The following MYO6 variants were observed in gnomAD, a reference collection of about 807,000 sequenced individuals.
MYO6 encodes myosin VI.
MYO6 carries 74 observed loss-of-function variants against 178.7 expected under a neutral mutation model. The observed-to-expected ratio is 0.41, with a 90% CI of 0.34 to 0.50. MYO6 has a LOEUF of 0.50. Among genes scored for constraint, MYO6 ranks in the 20% least tolerant of loss-of-function variants. MYO6 has a pLI of 0.09. For synonymous variants in MYO6, 477 were observed against 504.6 expected, an observed-to-expected ratio of 0.95 and a Z score of 0.73; for missense variants, 1,330 against 1,547.4, an observed-to-expected ratio of 0.86 and a Z score of 2.36.
intron 20 of MYO6, among the ~76,000 whole-genome samples, chr6:75,876,874 G>A (rs1027396780): frequency 2.6e-5 from 4 of 152,014 alleles, no homozygotes; most frequent in Admixed American, 6.6e-5. Context: ...AAATATTTAC[G>A]AAGCTTTCTA....
chr6:75,805,257 G>T (rs929534506), intron 1 of MYO6, among the ~76,000 whole-genome samples: 1 of 151,272 alleles, frequency 6.6e-6, no homozygotes. Context: ...CTCCTGCCTC[G>T]GCCTCCCAAA....
intron 16 of MYO6, 37 bp downstream of exon 16, chr6:75,862,760 G>A: frequency 1.2e-6 from 2 of 1,607,912 alleles, no homozygotes; most frequent in Non-Finnish European, 1.7e-6. Flanking sequence ...ACTATGGTGG[G>A]ACGAGACATT....
At chr6:75,785,167 G>T (rs1179010934) in intron 1 of MYO6, among the ~76,000 whole-genome samples, 1 of 152,100 alleles carries the variant, frequency 6.6e-6, no homozygotes, top group Non-Finnish European at 1.5e-5. Flanking sequence ...ATTGCTGTCT[G>T]TTCTATTGCT....
At chr6:75,881,573 C>T in intron 22 of MYO6, 116 bp from the exon 23 acceptor site, 2 of 1,020,548 alleles carry the variant, frequency 2.0e-6, no homozygotes, top group Non-Finnish European at 3.0e-6. Context: ...ATGTAATTGA[C>T]ATGTGACCAT....
chr6:75,845,929 G>T (rs1379221526), intron 10 of MYO6, among the ~76,000 whole-genome samples: 1 of 151,108 alleles, frequency 6.6e-6, no homozygotes, highest in Middle Eastern at 3.2e-3. Flanking sequence ...AGAGGCTGTT[G>T]TAAGTGGAGA....
intron 3 of MYO6, among the ~76,000 whole-genome samples, chr6:75,827,821 A>G (rs926482219): frequency 2.2e-4 from 34 of 152,210 alleles, no homozygotes; most frequent in African/African-American, 8.2e-4. Flanking sequence ...TAAGGTTTAC[A>G]ATTTCAGTGA....
intron 1 of MYO6, among the ~76,000 whole-genome samples, chr6:75,779,341 A>G (rs1011036623): frequency 6.6e-6 from 1 of 152,100 alleles, no homozygotes; most frequent in African/African-American, 2.4e-5. Context: ...GTCTCCATTA[A>G]AAATGCAAAA....
intron 10 of MYO6, among the ~76,000 whole-genome samples, chr6:75,845,985 TC>T (rs1774697633): frequency 8.1e-6 from 1 of 123,636 alleles, no homozygotes; most frequent in Admixed American, 8.0e-5. Context: ...AGACTCTGTC[TC>T]AAAAAAAAAA....
At chr6:75,894,041 T>TCA (rs1779107496) in intron 28 of MYO6, among the ~76,000 whole-genome samples, 1 of 152,220 alleles carries the variant, frequency 6.6e-6, no homozygotes, top group African/African-American at 2.4e-5. Flanking sequence ...TGTGAGGAAG[T>TCA]ACTGCAGTTG....
chr6:75,787,728 CTCTATA>C (rs1213996533), intron 1 of MYO6, among the ~76,000 whole-genome samples: 18 of 16,384 alleles, frequency 1.1e-3, no homozygotes, highest in African/African-American at 1.7e-3. Context: ...CTCTCTCTCT[CTCTATA>C]TATATATATA....
intron 1 of MYO6, among the ~76,000 whole-genome samples, chr6:75,789,115 A>G (rs1000502672): frequency 9.9e-5 from 15 of 152,164 alleles, no homozygotes; most frequent in Admixed American, 9.8e-4. Flanking sequence ...TCAGGTTACC[A>G]ACCTCAAAGT....
intron 2 of MYO6, among the ~76,000 whole-genome samples, chr6:75,820,828 A>G (rs1410985223): frequency 6.6e-6 from 1 of 152,138 alleles, no homozygotes; most frequent in Non-Finnish European, 1.5e-5. Context: ...GAGGAGTGGT[A>G]TAAATTCTTA....
intron 20 of MYO6, among the ~76,000 whole-genome samples, chr6:75,875,076 T>C (rs959187546): frequency 2.0e-5 from 3 of 152,190 alleles, no homozygotes; most frequent in Non-Finnish European, 4.4e-5. Context: ...CCTGGACATA[T>C]GTTATCATTT....
intron 9 of MYO6, 32 bp downstream of exon 9, chr6:75,841,410 C>T: frequency 1.2e-6 from 2 of 1,600,628 alleles, no homozygotes; most frequent in Non-Finnish European, 1.7e-6. Flanking sequence ...TTCATATAGC[C>T]AGGTGCAGTG....
At chr6:75,805,134 C>T (rs141030121) in intron 1 of MYO6, among the ~76,000 whole-genome samples, 75 of 147,574 alleles carry the variant, frequency 5.1e-4, no homozygotes, top group East Asian at 4.9e-3. Flanking sequence ...AAGTGATTCT[C>T]GTGCCTCAGC....
chr6:75,883,322 G>A (rs986066757), intron 23 of MYO6, among the ~76,000 whole-genome samples: 2 of 125,836 alleles, frequency 1.6e-5, no homozygotes, highest in African/African-American at 5.2e-5. Flanking sequence ...CAGTTGCATG[G>A]AGATAGTCCA....
At chr6:75,835,984 G>A (rs563180638) in intron 7 of MYO6, 28 bp downstream of exon 7, 118 of 1,505,640 alleles carry the variant, frequency 7.8e-5, no homozygotes, top group Admixed American at 2.5e-4. Context: ...GTTGTTACGC[G>A]TGTACTGAAA....
At chr6:75,858,080 T>C (rs1203987546) in intron 13 of MYO6, among the ~76,000 whole-genome samples, 1 of 141,366 alleles carries the variant, frequency 7.1e-6, no homozygotes, top group African/African-American at 2.4e-5. Context: ...TTATTAATTT[T>C]TTTTCCTTTT....
At chr6:75,879,996 T>C (rs1192419079) in intron 21 of MYO6, 46 bp downstream of exon 21, 2 of 1,613,304 alleles carry the variant, frequency 1.2e-6, no homozygotes, top group Non-Finnish European at 1.7e-6. Flanking sequence ...TGAACTTGTC[T>C]TTTCTATTAA....
Sources: allele counts gnomAD v4.1 joint callset (sites outside exome capture counted in the v4.1 genomes callset), GRCh38; gene constraint gnomAD v4.1.1; transcripts MANE v1.5; gene names NCBI Gene and HGNC (gene_info 2026-07-23, HGNC 2026-07-21).